Variants in KCNK13 observed in about 807,000 individuals in gnomAD.
KCNK13 encodes potassium two pore domain channel subfamily K member 13, also known as potassium channel subfamily K member 13.
KCNK13 carries 12 observed loss-of-function variants against 23.4 expected under a neutral mutation model. The ratio of observed to expected loss-of-function variants is 0.51; its 90% CI spans 0.33 to 0.83. The LOEUF is 0.83. Among genes scored for constraint, KCNK13 ranks in the 40% least tolerant of loss-of-function variants. The pLI is 0.02. For missense variants in KCNK13, 463 were observed against 556.3 expected (o/e 0.83, Z 1.69); for synonymous variants, 231 against 229.5 (o/e 1.01, Z -0.06).
intron 1 of KCNK13, among the ~76,000 whole-genome samples, chr14:90,124,564 C>T (rs1889774117): frequency 2.0e-5 from 3 of 152,278 alleles, no homozygotes; most frequent in Non-Finnish European, 2.9e-5. Flanking sequence ...GAGCTGGCAA[C>T]AGCCTTCAGC....
intron 1 of KCNK13, among the ~76,000 whole-genome samples, chr14:90,112,354 C>T (rs1188076591): frequency 6.6e-6 from 1 of 152,166 alleles, no homozygotes; most frequent in Non-Finnish European, 1.5e-5. Flanking sequence ...CATGTGTGAA[C>T]ACAAACATCA....
chr14:90,140,376 G>A (rs1291863903), intron 1 of KCNK13, among the ~76,000 whole-genome samples: 2 of 152,184 alleles, frequency 1.3e-5, no homozygotes, highest in Non-Finnish European at 2.9e-5. Context: ...AAGACCCATT[G>A]AGAAGCAATG....
intron 1 of KCNK13, among the ~76,000 whole-genome samples, chr14:90,177,760 C>A (rs556719266): frequency 3.3e-5 from 5 of 152,150 alleles, no homozygotes; most frequent in Non-Finnish European, 5.9e-5. Flanking sequence ...ATTCATGCAT[C>A]ATATTCTAAA....
chr14:90,093,579 C>T (rs1446358157), intron 1 of KCNK13, among the ~76,000 whole-genome samples: 1 of 152,046 alleles, frequency 6.6e-6, no homozygotes, highest in African/African-American at 2.4e-5. Context: ...CCCAGCGTGC[C>T]CAGCCTAAAT....
At chr14:90,092,934 A>T (rs1050045596) in intron 1 of KCNK13, among the ~76,000 whole-genome samples, 50 of 140,988 alleles carry the variant, frequency 3.5e-4, no homozygotes, top group African/African-American at 1.3e-3. Flanking sequence ...AAAAAAAAAA[A>T]GCATCACGAT....
In KCNK13 at chr14:90,167,598, C is replaced by G. The variant is rs546190487; in HGVS notation, c.335-16513C>G. 2.6e-5 allele frequency among the ~76,000 whole-genome samples: 4 copies of G among 152,226 alleles called. No homozygotes were observed. The South Asian group carries it at 8.3e-4, about 32-fold the overall frequency. ...CAAGTTCCTCAGATGGTTTTGATACCAATGGTTAAGGTGCCACACTAGAAA... is the reference window on the plus strand; with the variant it reads ...CAAGTTCCTCAGATGGTTTTGATACGAATGGTTAAGGTGCCACACTAGAAA... On this transcript the variant is annotated intron_variant, in intron 1 of 1. Coordinates refer to ENST00000282146, the MANE Select transcript of KCNK13 (RefSeq NM_022054.4).
At chr14:90,104,292 G>A (rs1350393757) in intron 1 of KCNK13, among the ~76,000 whole-genome samples, 1 of 152,040 alleles carries the variant, frequency 6.6e-6, no homozygotes, top group Non-Finnish European at 1.5e-5. Context: ...ATTCTTGTTG[G>A]GTGTCAGGAA....
At chr14:90,087,154 A>ATATATATATATT (rs1282261147) in intron 1 of KCNK13, among the ~76,000 whole-genome samples, 3 of 107,650 alleles carry the variant, frequency 2.8e-5, no homozygotes, top group African/African-American at 1.1e-4. Context: ...ATATATATAT[A>ATATATATATATT]TTTTTTTTTT....
At chr14:90,108,500 G>A (rs1417971298) in intron 1 of KCNK13, among the ~76,000 whole-genome samples, 1 of 152,120 alleles carries the variant, frequency 6.6e-6, no homozygotes, top group Non-Finnish European at 1.5e-5. Flanking sequence ...CATCTCTCCG[G>A]AGACACAACC....
chr14:90,173,243 G>A lies in KCNK13; in HGVS notation c.335-10868G>A, dbSNP rs148277359. ...GTGGTGGCTCATGCCTGTAGTCCCA[G>A]CTACTTGGGAGGCTGAGGCAGTAGG... On this transcript the variant is annotated intron_variant, in intron 1 of 1. Transcript: ENST00000282146. Among the ~76,000 whole-genome samples the A allele has an allele frequency of 6.4e-3, 967 of 152,262 alleles. 7 individuals carry two copies. Among genetic ancestry groups the A allele is most frequent in the African/African-American group, 0.022 (933 of 41,532 alleles).
chr14:90,109,119 G>A (rs1366974734), intron 1 of KCNK13, among the ~76,000 whole-genome samples: 1 of 151,524 alleles, frequency 6.6e-6, no homozygotes, highest in Non-Finnish European at 1.5e-5. Context: ...GGAGCTTGCA[G>A]TGAGCCGAGG....
chr14:90,125,221 A>ATT (rs57748519), intron 1 of KCNK13, among the ~76,000 whole-genome samples: 3 of 144,382 alleles, frequency 2.1e-5, no homozygotes, highest in Non-Finnish European at 1.5e-5. Flanking sequence ...GATCTACTTA[A>ATT]TTTTTTTTTT....
intron 1 of KCNK13, among the ~76,000 whole-genome samples, chr14:90,142,421 C>T (rs1349805692): frequency 2.8e-5 from 4 of 144,546 alleles, no homozygotes; most frequent in Non-Finnish European, 1.5e-5. Context: ...CAGGTTCATG[C>T]CATTCTCGTG....
Position 90,062,211 on chromosome 14 carries a change from T to TG in KCNK13, c.8dup (p.Arg4ProfsTer180). On this transcript the variant is annotated frameshift_variant, in exon 1 of 2. Coordinates refer to ENST00000282146, the MANE Select transcript of KCNK13 (RefSeq NM_022054.4). LOFTEE classifies it high-confidence loss of function. This position sits in a 1 kb window ranked among gnomAD's most constrained non-coding sequence, Gnocchi z 4.5. ...CTGCCCCCGGGGGCCCGGCCATGGC[T>TG]GGCCGGGGTTTCAGCTGGGGCCCGG... The TG allele has an allele frequency of 9.1e-7, 1 of 1,100,310 alleles. No homozygotes were observed. Among genetic ancestry groups the TG allele is most frequent in the East Asian group, 3.9e-5 (1 of 25,640 alleles). The allele number at this position is 1,100,310 out of a possible 1,614,324, so 68.2% of individuals were successfully genotyped here.
At chr14:90,164,564 G>A (rs1566649907) in intron 1 of KCNK13, among the ~76,000 whole-genome samples, 1 of 152,212 alleles carries the variant, frequency 6.6e-6, no homozygotes, top group Non-Finnish European at 1.5e-5. Flanking sequence ...TACTGTCATA[G>A]CAAATGTGAG....
At chr14:90,112,741 TC>T (rs777001448) in intron 1 of KCNK13, among the ~76,000 whole-genome samples, 2 of 151,842 alleles carry the variant, frequency 1.3e-5, no homozygotes, top group Non-Finnish European at 2.9e-5. Flanking sequence ...TCTTGGCAAA[TC>T]TGGATATGCA....
intron 1 of KCNK13, among the ~76,000 whole-genome samples, chr14:90,155,347 G>A (rs1029964641): frequency 6.6e-6 from 1 of 152,170 alleles, no homozygotes; most frequent in Non-Finnish European, 1.5e-5. Context: ...GAAGAATTTA[G>A]AGGTAGGATT....
intron 1 of KCNK13, among the ~76,000 whole-genome samples, chr14:90,081,296 TA>T: frequency 1.3e-5 from 2 of 152,332 alleles, no homozygotes; most frequent in African/African-American, 2.4e-5. Context: ...CTTTTTCCAT[TA>T]AAAAATTCTT....
chr14:90,095,813 A>C (rs1889403942), intron 1 of KCNK13, among the ~76,000 whole-genome samples: 2 of 152,272 alleles, frequency 1.3e-5, no homozygotes, highest in South Asian at 4.1e-4. Flanking sequence ...TCACAGGTCG[A>C]GGGCTCAGTC....
Sources: gnomAD v4.1 joint callset for allele counts (sites outside exome capture counted in the v4.1 genomes callset) on GRCh38, gnomAD v4.1.1 for gene constraint, Gnocchi (gnomAD v3.1) non-coding constraint, MANE v1.5 for transcripts, NCBI Gene and HGNC (gene_info 2026-07-23, HGNC 2026-07-21) for gene names.